SYNPO2: variants seen among roughly 807,000 people sequenced by gnomAD.
The protein encoded by SYNPO2 is synaptopodin-2.
A neutral mutation model predicts 85.0 loss-of-function variants in SYNPO2; 56 were observed. The observed-to-expected ratio is 0.66, with a 90% CI of 0.53 to 0.82. The LOEUF (loss-of-function observed/expected upper bound fraction) is 0.82, where lower values mean the gene tolerates loss of function less well. Among genes scored for constraint, SYNPO2 ranks in the 40% least tolerant of loss-of-function variants. The pLI, the probability that SYNPO2 is intolerant of heterozygous loss-of-function variation, is 0.00. For synonymous variants in SYNPO2, 602 were observed against 591.1 expected, an observed-to-expected ratio of 1.02 and a Z score of -0.27; for missense variants, 1,575 against 1,534.2, an observed-to-expected ratio of 1.03 and a Z score of -0.44.
intron 1 of SYNPO2, among the ~76,000 whole-genome samples, chr4:118,905,737 G>T (rs939107895): frequency 6.6e-6 from 1 of 152,120 alleles, no homozygotes; most frequent in Non-Finnish European, 1.5e-5. Context: ...TTTGTCTAGT[G>T]AGGCTGCTCT....
chr4:119,024,422 C>T (rs1737856628), intron 2 of SYNPO2, among the ~76,000 whole-genome samples: 1 of 152,130 alleles, frequency 6.6e-6, no homozygotes, highest in Non-Finnish European at 1.5e-5. Context: ...TCAAGGTCCT[C>T]CAGGTTTTTC....
At chr4:118,912,437 C>G (rs913772777) in intron 1 of SYNPO2, among the ~76,000 whole-genome samples, 1 of 152,122 alleles carries the variant, frequency 6.6e-6, no homozygotes, top group Admixed American at 6.6e-5. Flanking sequence ...TGTTTCAGCC[C>G]CCTAAATTGC....
Position 119,031,205 on chromosome 4 carries a change from G to A in SYNPO2, c.2430G>A (p.Gln810=). The stretch of plus-strand genomic sequence containing the variant: ...TTGTCTCCTCCATCAAAATAGCCCA[G>A]CCTTCTTACCCTCCTGCCCGGCCTG... ...GTVVSSIKIA[Q]PSYPPARPAS... Residue 810 remains glutamine (Q), a synonymous_variant, in exon 4 of 5, where the codon CAG becomes CAA. Transcript: ENST00000307142. 1 of 1,614,102 alleles carries A rather than the reference G, an allele frequency of 6.2e-7. No homozygotes were observed. Among genetic ancestry groups the A allele is most frequent in the African/African-American group, 1.3e-5 (1 of 75,014 alleles).
chr4:118,892,305 G>A (rs908360387), intron 1 of SYNPO2, among the ~76,000 whole-genome samples: 4 of 152,162 alleles, frequency 2.6e-5, no homozygotes, highest in African/African-American at 9.6e-5. Context: ...ACATAAGCTT[G>A]TTTTTAAAAT....
chr4:119,037,467 T>C (rs553419748), intron 4 of SYNPO2: 12 of 1,058,988 alleles, frequency 1.1e-5, no homozygotes, highest in South Asian at 3.9e-5. Flanking sequence ...TTTTCATTTG[T>C]CTTTTCTTCA....
intron 1 of SYNPO2, among the ~76,000 whole-genome samples, chr4:118,987,752 A>G (rs966287327): frequency 7.2e-5 from 11 of 152,046 alleles, no homozygotes; most frequent in African/African-American, 2.4e-4. Flanking sequence ...TTGCTATTTA[A>G]GTATATTAGC....
chr4:118,881,623 G>A (rs961850830), intron 1 of SYNPO2, among the ~76,000 whole-genome samples: 1 of 152,218 alleles, frequency 6.6e-6, no homozygotes, highest in African/African-American at 2.4e-5. Context: ...GTCCCCTTAC[G>A]ACTGCGAGCC....
At chr4:119,032,479 T>C in intron 4 of SYNPO2, 1 of 1,038,352 alleles carries the variant, frequency 9.6e-7, no homozygotes, top group Non-Finnish European at 1.2e-6. Context: ...CCCTTTTAGG[T>C]AGTGCCTTAT....
intron 1 of SYNPO2, among the ~76,000 whole-genome samples, chr4:118,981,969 G>A (rs1218543169): frequency 6.6e-6 from 1 of 152,144 alleles, no homozygotes; most frequent in African/African-American, 2.4e-5. Context: ...GACCACTTGA[G>A]GGCGGCATTG....
intron 1 of SYNPO2, among the ~76,000 whole-genome samples, chr4:118,982,004 A>C (rs1471741043): frequency 1.3e-5 from 2 of 152,186 alleles, no homozygotes; most frequent in Non-Finnish European, 2.9e-5. Flanking sequence ...GTTTTGACCA[A>C]CTAATACATA....
intron 4 of SYNPO2, among the ~76,000 whole-genome samples, chr4:119,049,446 C>T (rs530109903): frequency 1.6e-4 from 25 of 152,160 alleles, no homozygotes; most frequent in Non-Finnish European, 3.1e-4. Context: ...GCCCCTTTCC[C>T]TACAGTGCAT....
rs547557817 is a variant in SYNPO2 at position 118,892,805 on chromosome 4, T to C, written c.105+3664T>C. Among the ~76,000 whole-genome samples, 7 of 152,268 alleles carry C rather than the reference T, an allele frequency of 4.6e-5. No homozygotes were observed. The South Asian group carries it at 1.4e-3, about 32-fold the overall frequency. ...GTTCAAAGTTTCAAATAATTGTTCATTAAAATTGAGGTGACATTGTATAAT... is the reference window on the plus strand; with the variant it reads ...GTTCAAAGTTTCAAATAATTGTTCACTAAAATTGAGGTGACATTGTATAAT... On this transcript the variant is annotated intron_variant, in intron 1 of 4. Transcript: ENST00000307142.
Position 118,903,108 on chromosome 4 carries a change from A to T in SYNPO2, c.105+13967A>T, listed in dbSNP as rs112072778. Among the ~76,000 whole-genome samples the T allele has an allele frequency of 2.8e-3, 431 of 151,926 alleles. 2 individuals carry two copies. Among genetic ancestry groups the T allele is most frequent in the African/African-American group, 9.3e-3 (382 of 41,200 alleles). On this transcript the variant is annotated intron_variant, in intron 1 of 4. Coordinates refer to ENST00000307142, the MANE Select transcript of SYNPO2 (RefSeq NM_133477.3). The stretch of plus-strand genomic sequence containing the variant: ...TGTAACGAAATTGCTGCCTTTGTAG[A>T]TAAAAAAAATATTGGAATATTACTT...
intron 1 of SYNPO2, among the ~76,000 whole-genome samples, chr4:119,003,543 GTT>G (rs1303685517): frequency 2.6e-5 from 4 of 152,178 alleles, no homozygotes; most frequent in Non-Finnish European, 5.9e-5. Context: ...TGCTAAGAGA[GTT>G]TTAATTGCCA....
intron 4 of SYNPO2, chr4:119,034,662 CAA>C (rs1232747770): frequency 1.0e-6 from 1 of 985,356 alleles, no homozygotes; most frequent in Non-Finnish European, 1.2e-6. Context: ...ATATCCACAA[CAA>C]AGTCTGACCT....
At chr4:119,020,737 T>G (rs1483932062) in intron 1 of SYNPO2, among the ~76,000 whole-genome samples, 2 of 152,130 alleles carry the variant, frequency 1.3e-5, no homozygotes, top group Non-Finnish European at 2.9e-5. Context: ...ACCTACCTAA[T>G]TTTTTTTATA....
intron 1 of SYNPO2, among the ~76,000 whole-genome samples, chr4:118,883,603 G>A (rs1007013146): frequency 3.9e-5 from 6 of 152,132 alleles, no homozygotes; most frequent in East Asian, 1.9e-4. Context: ...TATCTGATAC[G>A]TTGTTAAATC....
At chr4:119,023,634 AT>A (rs900705262) in intron 2 of SYNPO2, 53 bp downstream of exon 2, 41 of 1,570,034 alleles carry the variant, frequency 2.6e-5, no homozygotes, top group South Asian at 2.2e-4. Flanking sequence ...CATGGGAATG[AT>A]TATAGCTTTT....
chr4:118,970,480 C>T (rs1164047012), intron 1 of SYNPO2, among the ~76,000 whole-genome samples: 1 of 152,142 alleles, frequency 6.6e-6, no homozygotes, highest in African/African-American at 2.4e-5. Context: ...TGTATCCCTC[C>T]AATTTTTTTA....
Sources: allele counts gnomAD v4.1 joint callset (sites outside exome capture counted in the v4.1 genomes callset), GRCh38; gene constraint gnomAD v4.1.1; transcripts MANE v1.5; gene names NCBI Gene and HGNC (gene_info 2026-07-23, HGNC 2026-07-21).